ADAM12: variants seen among roughly 807,000 people sequenced by gnomAD.
ADAM12 encodes disintegrin and metalloproteinase domain-containing protein 12.
Under a neutral mutation model 106.4 loss-of-function variants are expected in ADAM12, and 70 were observed. The observed-to-expected ratio is 0.66, with a 90% CI of 0.54 to 0.80. The LOEUF (loss-of-function observed/expected upper bound fraction) is 0.80, where lower values mean the gene tolerates loss of function less well. ADAM12 is among the 30% of genes least tolerant of loss of function. ADAM12 has a pLI of 0.00. For synonymous variants in ADAM12, 420 were observed against 433.5 expected (o/e 0.97, Z 0.39); for missense variants, 1,010 against 1,171.9 (o/e 0.86, Z 2.02).
intron 12 of ADAM12, among the ~76,000 whole-genome samples, chr10:126,069,128 G>T (rs60098309): frequency 1.3e-5 from 2 of 152,178 alleles, no homozygotes; most frequent in Non-Finnish European, 2.9e-5. Context: ...GGGGGATAAA[G>T]AACCCAGGTT....
rs1016146687 is a variant in ADAM12, at chr10:126,041,922, C to G, written c.2104+1118G>C. ...GTCCATGTTTTAGCAGAAGCTCAACCAGGAAGTCGCTGCCCTTCCTTGCAC... is the reference window on the plus strand; with the variant it reads ...GTCCATGTTTTAGCAGAAGCTCAACGAGGAAGTCGCTGCCCTTCCTTGCAC... On this transcript the variant is annotated intron_variant, in intron 18 of 22. Transcript: ENST00000448723. 6.3e-5 allele frequency: 89 copies of G among 1,413,296 alleles called. 1 individual carries two copies. In the Middle Eastern group the frequency reaches 1.3e-3, roughly 21 times the overall value. 87.5% of individuals were successfully genotyped at this position (1,413,296 alleles called of 1,614,324 possible). A position where few individuals can be genotyped will look rare whatever the true frequency, so the allele number is the denominator to read the frequency against.
intron 14 of ADAM12, among the ~76,000 whole-genome samples, chr10:126,051,398 T>C (rs955702258): frequency 5.9e-5 from 9 of 151,570 alleles, no homozygotes; most frequent in African/African-American, 2.2e-4. Flanking sequence ...ATCATCCATT[T>C]ATATACCCAT....
intron 11 of ADAM12, among the ~76,000 whole-genome samples, chr10:126,093,224 C>G (rs1028152330): frequency 6.6e-6 from 1 of 152,184 alleles, no homozygotes; most frequent in African/African-American, 2.4e-5. Context: ...TAAACTAGCA[C>G]AAAGTTCTAG....
At chr10:126,176,860 C>T (rs575982527) in intron 3 of ADAM12, among the ~76,000 whole-genome samples, 3 of 152,118 alleles carry the variant, frequency 2.0e-5, no homozygotes, top group East Asian at 1.9e-4. Flanking sequence ...GGTTTACTGC[C>T]GAAGCCTGAG....
chr10:126,231,466 A>C (rs2133624246), intron 3 of ADAM12, among the ~76,000 whole-genome samples: 1 of 151,970 alleles, frequency 6.6e-6, no homozygotes, highest in South Asian at 2.1e-4. Flanking sequence ...CTTAAAGCAA[A>C]ACTGCCACCC....
At chr10:126,034,764 C>T (rs537871733) in intron 21 of ADAM12, among the ~76,000 whole-genome samples, 1 of 152,172 alleles carries the variant, frequency 6.6e-6, no homozygotes, top group Admixed American at 6.5e-5. Flanking sequence ...CTGTTTGCTG[C>T]AATCATGAAT....
intron 3 of ADAM12, among the ~76,000 whole-genome samples, chr10:126,226,956 A>T (rs1460281065): frequency 6.6e-6 from 1 of 152,178 alleles, no homozygotes; most frequent in Admixed American, 6.5e-5. Flanking sequence ...GTTCTCCTTG[A>T]TGCTTGTTCT....
chr10:126,153,200 G>A (rs1956758977), intron 4 of ADAM12, among the ~76,000 whole-genome samples: 2 of 152,126 alleles, frequency 1.3e-5, no homozygotes, highest in South Asian at 4.1e-4. Context: ...ATGAATATAG[G>A]ATTGAGACTG....
chr10:126,257,960 T>C (rs570919506), intron 3 of ADAM12, among the ~76,000 whole-genome samples: 1 of 152,334 alleles, frequency 6.6e-6, no homozygotes, highest in South Asian at 2.1e-4. Flanking sequence ...CTACTCTATT[T>C]GGCAACCTCA....
At position 126,145,919 on chromosome 10, in the gene ADAM12, A is replaced by G. The variant is rs149657745; in HGVS notation, c.339+9308T>C. ...GTGGAGGGTGATACTGGTCTAAGAA[A>G]TTTGAATTTGACTGAGGAGGCATTG... On this transcript the variant is annotated intron_variant, in intron 4 of 22. Coordinates refer to ENST00000448723, the MANE Select transcript of ADAM12 (RefSeq NM_001288973.2). 7.9e-5 allele frequency among the ~76,000 whole-genome samples: 12 copies of G among 152,320 alleles called. No homozygotes were observed. The East Asian group carries it at 2.3e-3, about 29-fold the overall frequency.
At chr10:126,258,498 A>T (rs1468724995) in intron 3 of ADAM12, among the ~76,000 whole-genome samples, 46 of 152,158 alleles carry the variant, frequency 3.0e-4, no homozygotes, top group Non-Finnish European at 8.8e-5. Flanking sequence ...AGCCATTCTT[A>T]AAACACCCAT....
At chr10:126,295,175 A>G (rs753058302) in intron 2 of ADAM12, among the ~76,000 whole-genome samples, 2 of 152,082 alleles carry the variant, frequency 1.3e-5, no homozygotes, top group African/African-American at 2.4e-5. Flanking sequence ...TCTCCCCCCA[A>G]AAAATAGAAT....
rs3781036 is a variant in ADAM12 at position 126,107,209 on chromosome 10, G to C, written c.741+1384C>G. The stretch of plus-strand genomic sequence containing the variant: ...CTTCTGCTATGCTCACAGTGAAACT[G>C]AACTTACCTTTGAGGATCCTCTCCC... On this transcript the variant is annotated intron_variant, in intron 8 of 22. Coordinates refer to ENST00000448723, the MANE Select transcript of ADAM12 (RefSeq NM_001288973.2). 8.6e-3 allele frequency among the ~76,000 whole-genome samples: 1,310 copies of C among 152,190 alleles called. 21 individuals are homozygous for C. Among genetic ancestry groups the C allele is most frequent in the East Asian group, 0.068 (351 of 5,166 alleles).
chr10:126,374,699 A>C (rs1226016853), intron 1 of ADAM12, among the ~76,000 whole-genome samples: 1 of 152,194 alleles, frequency 6.6e-6, no homozygotes, highest in African/African-American at 2.4e-5. Context: ...AGAGAAGCTA[A>C]AAACAGGAGG....
At chr10:126,348,344 G>A (rs946900644) in intron 1 of ADAM12, among the ~76,000 whole-genome samples, 3 of 152,238 alleles carry the variant, frequency 2.0e-5, no homozygotes, top group Admixed American at 6.5e-5. Context: ...TCACAACAGG[G>A]ATGCCAATGA....
intron 4 of ADAM12, among the ~76,000 whole-genome samples, chr10:126,144,863 G>A (rs189127486): frequency 9.2e-5 from 14 of 152,266 alleles, no homozygotes; most frequent in Admixed American, 2.6e-4. Context: ...TGCCAGGCTC[G>A]GTGTCTGTTT....
intron 3 of ADAM12, among the ~76,000 whole-genome samples, chr10:126,178,763 C>T (rs1427309112): frequency 6.6e-6 from 1 of 152,090 alleles, no homozygotes; most frequent in African/African-American, 2.4e-5. Context: ...TCCACTCAAG[C>T]AGGCCGGGCG....
At chr10:126,341,684 T>C (rs1590803187) in intron 1 of ADAM12, among the ~76,000 whole-genome samples, 1 of 152,188 alleles carries the variant, frequency 6.6e-6, no homozygotes, top group Non-Finnish European at 1.5e-5. Context: ...GGGACCATAA[T>C]AGCAATTGCC....
At chr10:126,246,521 A>G (rs1399211600) in intron 3 of ADAM12, among the ~76,000 whole-genome samples, 1 of 152,230 alleles carries the variant, frequency 6.6e-6, no homozygotes, top group Non-Finnish European at 1.5e-5. Flanking sequence ...CAGCACATTG[A>G]AAAGCTTATC....
Sources: gnomAD v4.1 joint callset for allele counts (sites outside exome capture counted in the v4.1 genomes callset) on GRCh38, gnomAD v4.1.1 for gene constraint, MANE v1.5 for transcripts, NCBI Gene and HGNC (gene_info 2026-07-23, HGNC 2026-07-21) for gene names.